Variants in CDK14 observed in about 807,000 individuals in gnomAD.
CDK14 encodes cyclin-dependent kinase 14.
Under a neutral mutation model 60.7 loss-of-function variants are expected in CDK14, and 34 were observed. The ratio of observed to expected loss-of-function variants is 0.56; its 90% CI spans 0.43 to 0.75. The LOEUF (loss-of-function observed/expected upper bound fraction) is 0.75. CDK14 is among the 30% of genes least tolerant of loss of function. The pLI is 0.00. For synonymous variants in CDK14, 197 were observed against 203.7 expected (o/e 0.97, Z 0.28); for missense variants, 482 against 564.1 (o/e 0.85, Z 1.47).
intron 10 of CDK14, among the ~76,000 whole-genome samples, chr7:91,024,722 A>G (rs565380567): frequency 6.6e-6 from 1 of 152,324 alleles, no homozygotes; most frequent in South Asian, 2.1e-4. Context: ...CTCTAATCGT[A>G]GTGCCTTTCC....
At position 90,615,231 on chromosome 7, in the gene CDK14, G is replaced by A. The variant is rs574980157; in HGVS notation, c.123+10982G>A. 1.8e-4 allele frequency among the ~76,000 whole-genome samples: 28 copies of A among 152,324 alleles called. No individual in the cohort carries two copies. In the South Asian group the frequency reaches 5.6e-3, roughly 30 times the overall value. On this transcript the variant is annotated intron_variant, in intron 2 of 14. Transcript: ENST00000380050. ...ACCTAGATGAAAATGCATCAGGCAA[G>A]TACTTATTCGACCTTTCACTGATTA...
At chr7:90,692,236 A>G (rs1801567992) in intron 2 of CDK14, among the ~76,000 whole-genome samples, 2 of 152,120 alleles carry the variant, frequency 1.3e-5, no homozygotes, top group Non-Finnish European at 2.9e-5. Context: ...GTAAGACAAG[A>G]GCGTATTTTT....
At chr7:91,146,373 G>A (rs1162754634) in intron 14 of CDK14, among the ~76,000 whole-genome samples, 3 of 152,122 alleles carry the variant, frequency 2.0e-5, no homozygotes, top group Non-Finnish European at 4.4e-5. Context: ...GCTAATTTTT[G>A]TATTTTTAGT....
At position 90,670,111 on chromosome 7, in the gene CDK14, A is replaced by G. The variant is rs535316165; in HGVS notation, c.124-56456A>G. Among the ~76,000 whole-genome samples, 9 of 152,360 alleles carry G rather than the reference A, an allele frequency of 5.9e-5. No homozygotes were observed. The East Asian group carries it at 1.5e-3, about 26-fold the overall frequency. On this transcript the variant is annotated intron_variant, in intron 2 of 14. Coordinates refer to ENST00000380050, the MANE Select transcript of CDK14 (RefSeq NM_001287135.2). ...ACTCTACCATTGGTATGACTATACC[A>G]TGGCACTTTTCTACTAGTTATGCAG...
At chr7:90,730,535 A>C (rs1584830660) in intron 3 of CDK14, among the ~76,000 whole-genome samples, 1 of 152,168 alleles carries the variant, frequency 6.6e-6, no homozygotes, top group Admixed American at 6.5e-5. Flanking sequence ...CTGATGTTTC[A>C]ATGATCATCA....
intron 11 of CDK14, among the ~76,000 whole-genome samples, chr7:91,065,928 G>C (rs1797962307): frequency 6.6e-6 from 1 of 152,212 alleles, no homozygotes; most frequent in African/African-American, 2.4e-5. Flanking sequence ...ATTTATGACA[G>C]TGTTAATTGT....
chr7:90,888,651 TG>T lies in CDK14; in HGVS notation c.640-10639del, dbSNP rs1409770034. 3.3e-5 allele frequency among the ~76,000 whole-genome samples: 5 copies of T among 152,228 alleles called. No individual in the cohort carries two copies. The East Asian group carries it at 9.6e-4, about 29-fold the overall frequency. On this transcript the variant is annotated intron_variant, in intron 6 of 14. Transcript: ENST00000380050. ...TATCAGAGTGGCTCCAGAAAGTGTT[TG>T]AGAGTTAAGATATTCCTGAGTACTA...
intron 2 of CDK14, among the ~76,000 whole-genome samples, chr7:90,639,651 C>T (rs1043669658): frequency 7.1e-6 from 1 of 140,718 alleles, no homozygotes; most frequent in African/African-American, 2.7e-5. Flanking sequence ...AACCACTGCT[C>T]TCCTCAAAGC....
chr7:91,179,182 T>C (rs1329293855), intron 14 of CDK14, among the ~76,000 whole-genome samples: 1 of 151,914 alleles, frequency 6.6e-6, no homozygotes, highest in African/African-American at 2.4e-5. Flanking sequence ...CCATAAAAAA[T>C]GATGAGTTCA....
At chr7:90,814,964 A>G (rs1451020096) in intron 5 of CDK14, among the ~76,000 whole-genome samples, 2 of 152,180 alleles carry the variant, frequency 1.3e-5, no homozygotes, top group Non-Finnish European at 2.9e-5. Flanking sequence ...GCATCCTTCA[A>G]GGTCATGTTA....
rs1244828097 is a variant in CDK14, at chr7:91,208,135, G to A, written c.*999G>A. 3 of 152,562 alleles carry A rather than the reference G, an allele frequency of 2.0e-5. No homozygotes were observed. In the East Asian group the frequency reaches 5.8e-4, roughly 29 times the overall value. 9.5% of individuals were successfully genotyped at this position (152,562 alleles called of 1,614,324 possible). ...TCAAAGTTTGCTTAGTTACAACAAA[G>A]CACCTTTAAAAAAAATACATTTTAA... On this transcript the variant is annotated 3_prime_UTR_variant, in exon 15 of 15. Transcript: ENST00000380050.
At chr7:91,184,896 G>A (rs1032513895) in intron 14 of CDK14, among the ~76,000 whole-genome samples, 2 of 151,766 alleles carry the variant, frequency 1.3e-5, no homozygotes, top group African/African-American at 2.4e-5. Flanking sequence ...GGTTGGGGTC[G>A]GTCATGGGTG....
chr7:90,956,461 A>G (rs938491204), intron 9 of CDK14, among the ~76,000 whole-genome samples: 1 of 152,208 alleles, frequency 6.6e-6, no homozygotes, highest in Non-Finnish European at 1.5e-5. Context: ...ATCCAAATCA[A>G]ACAATCAAAT....
intron 10 of CDK14, among the ~76,000 whole-genome samples, chr7:91,034,927 CACACACACACATACACAT>C (rs773561107): frequency 7.8e-6 from 1 of 128,974 alleles, no homozygotes; most frequent in Non-Finnish European, 1.6e-5. Flanking sequence ...CCTGTGTACA[CACACACACACATACACAT>C]ACACACACAC....
chr7:91,181,206 G>A (rs772325395), intron 14 of CDK14, among the ~76,000 whole-genome samples: 3 of 151,924 alleles, frequency 2.0e-5, no homozygotes, highest in East Asian at 1.9e-4. Flanking sequence ...CCCTCCCTCC[G>A]TCTCCCTTTT....
intron 8 of CDK14, among the ~76,000 whole-genome samples, chr7:90,924,470 A>G (rs1793352370): frequency 6.6e-6 from 1 of 152,220 alleles, no homozygotes; most frequent in South Asian, 2.1e-4. Context: ...TCCCTGCTTT[A>G]TAGATCCTGG....
At chr7:91,034,945 T>TACACACAC (rs35003949) in intron 10 of CDK14, among the ~76,000 whole-genome samples, 5,239 of 146,042 alleles carry the variant, frequency 0.036, 116 homozygotes, top group East Asian at 0.062. Flanking sequence ...CACATACACA[T>TACACACAC]ACACACACAC....
intron 8 of CDK14, among the ~76,000 whole-genome samples, chr7:90,947,569 C>T (rs1794137483): frequency 6.6e-6 from 1 of 152,152 alleles, no homozygotes; most frequent in African/African-American, 2.4e-5. Context: ...ATTATAACTG[C>T]TCAATAAATT....
intron 5 of CDK14, among the ~76,000 whole-genome samples, chr7:90,825,966 GA>G (rs1156481085): frequency 6.6e-6 from 1 of 152,150 alleles, no homozygotes; most frequent in East Asian, 1.9e-4. Context: ...CATCTGTATA[GA>G]AATTTCAATA....
Sources: allele counts gnomAD v4.1 joint callset (sites outside exome capture counted in the v4.1 genomes callset), GRCh38; gene constraint gnomAD v4.1.1; transcripts MANE v1.5; gene names NCBI Gene and HGNC (gene_info 2026-07-23, HGNC 2026-07-21).